Variants in HTR4 observed in about 807,000 individuals in gnomAD.
HTR4 encodes the protein 5-hydroxytryptamine (serotonin) receptor 4, G protein-coupled.
Under a neutral mutation model 36.8 loss-of-function variants are expected in HTR4, and 16 were observed. That is an observed-to-expected ratio of 0.43 (90% CI 0.29 to 0.66). The LOEUF (loss-of-function observed/expected upper bound fraction) is 0.66. Among genes scored for constraint, HTR4 ranks in the 30% least tolerant of loss-of-function variants. HTR4 has a pLI of 0.13. For synonymous variants in HTR4, 189 were observed against 185.1 expected (o/e 1.02, Z -0.17); for missense variants, 438 against 490.9 (o/e 0.89, Z 1.02).
intron 6 of HTR4, among the ~76,000 whole-genome samples, chr5:148,502,504 C>T (rs541028571): frequency 2.0e-5 from 3 of 152,040 alleles, no homozygotes; most frequent in Non-Finnish European, 1.5e-5. Flanking sequence ...CTGTACGTCA[C>T]TATGATCAAA....
At position 148,481,838 on chromosome 5, in the gene HTR4, A is replaced by AT; in HGVS notation, c.*1364dup. ...ACTGACTCAGCTTTGAATAAAAGAC[A>AT]TCCAGATTAATCTGAAGGACAAAGC... On this transcript the variant is annotated 3_prime_UTR_variant, in exon 7 of 7. Transcript: ENST00000377888. 1.5e-6 allele frequency: 2 copies of AT among 1,310,450 alleles called. No homozygotes were observed. The allele number at this position is 1,310,450 out of a possible 1,614,324, so 81.2% of individuals were successfully genotyped here. A position where few individuals can be genotyped will look rare whatever the true frequency, so the allele number is the denominator to read the frequency against.
chr5:148,451,395 G>A (rs1754970368), intron 5 of HTR4: 6 of 1,514,698 alleles, frequency 4.0e-6, no homozygotes, highest in Non-Finnish European at 3.6e-6. Context: ...ATGGTGAAGT[G>A]GGAGTGGGGA....
At chr5:148,513,564 AG>A (rs1757594298) in intron 5 of HTR4, among the ~76,000 whole-genome samples, 1 of 152,268 alleles carries the variant, frequency 6.6e-6, no homozygotes, top group Admixed American at 6.5e-5. Flanking sequence ...TAGTTATAAA[AG>A]TCTTTGAATT....
rs1336776030 is a variant in HTR4 at position 148,615,385 on chromosome 5, A to G, written c.26+21604T>C. Reference sequence around the variant, plus strand: ...ATGAGTTCATGTCCTTTGTAGGGACATGGATGAAATTGGAAATCATCATTC... The same window carrying G: ...ATGAGTTCATGTCCTTTGTAGGGACGTGGATGAAATTGGAAATCATCATTC... On this transcript the variant is annotated intron_variant, in intron 2 of 6. Coordinates refer to ENST00000377888, the MANE Select transcript of HTR4 (RefSeq NM_000870.7). Among the ~76,000 whole-genome samples the G allele has an allele frequency of 4.0e-5, 6 of 151,692 alleles. No individual in the cohort carries two copies. The South Asian group carries it at 8.4e-4, about 21-fold the overall frequency.
intron 6 of HTR4, among the ~76,000 whole-genome samples, chr5:148,501,624 G>A (rs74793195): frequency 6.6e-6 from 1 of 152,202 alleles, no homozygotes; most frequent in Non-Finnish European, 1.5e-5. Context: ...GTATACGGCA[G>A]TGAATAAAAT....
rs1754135212 is a variant in HTR4 at position 148,654,478 on chromosome 5, G to A, written c.-464C>T. 2.0e-6 allele frequency: 2 copies of A among 985,448 alleles called. No individual in the cohort carries two copies. The highest frequency in any genetic ancestry group is 9.4e-5 in the South Asian group (2 of 21,296). The allele number at this position is 985,448 out of a possible 1,614,324, so 61.0% of individuals were successfully genotyped here. ...GAGGCGGGCTGGAGCGATCTCACCC[G>A]TTCCGGGCTGGCCAGCACGCGCCCT... On this transcript the variant is annotated 5_prime_UTR_variant, in exon 1 of 7. In the 5' UTR this introduces an upstream ATG that the reference lacks. Coordinates refer to ENST00000377888, the MANE Select transcript of HTR4 (RefSeq NM_000870.7).
intron 6 of HTR4, chr5:148,484,306 C>A (rs764687663): frequency 6.2e-7 from 1 of 1,613,662 alleles, no homozygotes. Flanking sequence ...CTCAATGTGC[C>A]TGAGAATGGA....
intron 1 of HTR4, among the ~76,000 whole-genome samples, chr5:148,641,908 G>T (rs1444603846): frequency 6.6e-6 from 1 of 152,148 alleles, no homozygotes; most frequent in Non-Finnish European, 1.5e-5. Context: ...TGAGCACAGG[G>T]TTCACATGTG....
At chr5:148,499,427 A>AATTT (rs140391823) in intron 6 of HTR4, among the ~76,000 whole-genome samples, 2,185 of 152,204 alleles carry the variant, frequency 0.014, 25 homozygotes, top group Middle Eastern at 0.048. Context: ...TGCAGCTAGA[A>AATTT]ATTTATCTTA....
In HTR4 at chr5:148,588,421, G is replaced by C. The variant is rs183767899; in HGVS notation, c.27-38159C>G. 2.0e-5 allele frequency among the ~76,000 whole-genome samples: 3 copies of C among 152,226 alleles called. No homozygotes were observed. The East Asian group carries it at 5.8e-4, about 29-fold the overall frequency. ...GGGAGGGTCTTAGACTTGGGGAATG[G>C]AGAAGAACCAGGGGGAAGAAAAAGC... On this transcript the variant is annotated intron_variant, in intron 2 of 6. Coordinates refer to ENST00000377888, the MANE Select transcript of HTR4 (RefSeq NM_000870.7).
At chr5:148,559,303 G>A (rs1258084889) in intron 2 of HTR4, among the ~76,000 whole-genome samples, 1 of 152,174 alleles carries the variant, frequency 6.6e-6, no homozygotes, top group African/African-American at 2.4e-5. Context: ...GGGACCATCT[G>A]TAATTGTATG....
intron 2 of HTR4, among the ~76,000 whole-genome samples, chr5:148,550,989 A>C (rs1307324948): frequency 1.3e-5 from 2 of 151,992 alleles, no homozygotes; most frequent in African/African-American, 4.8e-5. Flanking sequence ...GACAGATTTG[A>C]GCTTTGCCTC....
rs185306607 is a variant in HTR4 at position 148,508,024 on chromosome 5, A to G, written c.1076+1432T>C. On this transcript the variant is annotated intron_variant, in intron 6 of 6. Transcript: ENST00000377888. ...TTCCACCAGCTGAAACCACAACACC[A>G]TGCTAGGCTTTAGCTACAAATCTGC... is the stretch of plus-strand genomic sequence containing the variant. Among the ~76,000 whole-genome samples the G allele has an allele frequency of 7.9e-5, 12 of 152,288 alleles. No individual in the cohort carries two copies. The East Asian group carries it at 2.3e-3, about 29-fold the overall frequency.
At chr5:148,477,763 C>CT (rs34242780), downstream of HTR4, among the ~76,000 whole-genome samples, 35 of 152,072 alleles carry the variant, frequency 2.3e-4, no homozygotes, top group African/African-American at 1.4e-4. Flanking sequence ...TCTCCTACCA[C>CT]TTTTTTTTCG....
intron 2 of HTR4, among the ~76,000 whole-genome samples, chr5:148,614,575 A>T (rs1201687307): frequency 2.6e-5 from 4 of 152,200 alleles, no homozygotes; most frequent in Non-Finnish European, 5.9e-5. Context: ...AACCATAAAA[A>T]CCCTAGAAGA....
intron 4 of HTR4, among the ~76,000 whole-genome samples, chr5:148,524,094 T>G (rs1260700810): frequency 6.6e-6 from 1 of 152,028 alleles, no homozygotes; most frequent in Non-Finnish European, 1.5e-5. Context: ...AAAATGCAGA[T>G]CCCAAGGATC....
At chr5:148,511,616 AGTTT>A (rs1028570567) in intron 5 of HTR4, among the ~76,000 whole-genome samples, 2 of 115,338 alleles carry the variant, frequency 1.7e-5, no homozygotes, top group African/African-American at 8.7e-5. Context: ...TTCTTGTGGA[AGTTT>A]GTGTGTGTGT....
rs560804445 is a variant in HTR4 at position 148,491,088 on chromosome 5, T to A, written c.1077-7795A>T. On this transcript the variant is annotated intron_variant, in intron 6 of 6. Coordinates refer to ENST00000377888, the MANE Select transcript of HTR4 (RefSeq NM_000870.7). Reference sequence around the variant, plus strand: ...CTAAACACACATTTACATGGGAATATGGTTTTCCAATGGGTATCTCAGTGT... The same window carrying A: ...CTAAACACACATTTACATGGGAATAAGGTTTTCCAATGGGTATCTCAGTGT... 5.9e-5 allele frequency among the ~76,000 whole-genome samples: 9 copies of A among 152,296 alleles called. No individual in the cohort carries two copies. In the South Asian group the frequency reaches 1.2e-3, roughly 21 times the overall value.
intron 2 of HTR4, among the ~76,000 whole-genome samples, chr5:148,597,523 C>A (rs1297639164): frequency 1.3e-5 from 2 of 152,166 alleles, no homozygotes; most frequent in Admixed American, 6.5e-5. Context: ...TTACCTCTTA[C>A]CACTGTGCCC....
Sources: allele counts gnomAD v4.1 joint callset (sites outside exome capture counted in the v4.1 genomes callset), GRCh38; gene constraint gnomAD v4.1.1; transcripts MANE v1.5; gene names NCBI Gene and HGNC (gene_info 2026-07-23, HGNC 2026-07-21).